Variants in GCN1 observed in about 807,000 individuals in gnomAD.
GCN1 encodes the protein GCN1 activator of EIF2AK4, also known as stalled ribosome sensor GCN1.
In GCN1, 90 loss-of-function variants were observed where a neutral mutation model predicts 288.4. That is an observed-to-expected ratio of 0.31 (90% CI 0.26 to 0.37). GCN1 has a LOEUF of 0.37. GCN1 is among the 10% of genes least tolerant of loss of function. GCN1 has a pLI of 1.00. For missense variants in GCN1, 2,586 were observed against 3,419.9 expected (o/e 0.76, Z 6.08); for synonymous variants, 1,386 against 1,420.2 (o/e 0.98, Z 0.54).
chr12:120,182,826 G>A (rs779346657), intron 5 of GCN1, among the ~76,000 whole-genome samples: 4 of 151,420 alleles, frequency 2.6e-5, no homozygotes, highest in Non-Finnish European at 4.4e-5. Flanking sequence ...TGTAATCCCA[G>A]CCACTCGGGA....
intron 54 of GCN1, among the ~76,000 whole-genome samples, chr12:120,131,632 G>C (rs1876827731): frequency 6.6e-6 from 1 of 152,248 alleles, no homozygotes; most frequent in Non-Finnish European, 1.5e-5. Flanking sequence ...GTTTGTTTTA[G>C]AGACAGGGCC....
At position 120,136,479 on chromosome 12, in the gene GCN1, G is replaced by A; in HGVS notation, c.7008+23C>T. 3 of 1,570,738 alleles carry A rather than the reference G, an allele frequency of 1.9e-6. No homozygotes were observed. In the South Asian group the frequency reaches 3.3e-5, roughly 17 times the overall value. ...CAGACAGACCTGTTCTCTAAGATCT[G>A]AACAAACTCATCAGCCACTCACCTT... On this transcript the variant is annotated intron_variant, in intron 51 of 57. Transcript: ENST00000300648.
In GCN1 at chr12:120,151,278, T is replaced by C; in HGVS notation, c.4176A>G (p.Ala1392=). ...GGCCATAGGCGGCCCCTTTGCGCTC[T>C]GCGTACTTGTCTGACTCCAGCAGCT... ...MQQLLESDKY[A]ERKGAAYGLA... Residue 1392 remains alanine, a synonymous_variant, in exon 34 of 58, where the codon GCA becomes GCG. Coordinates refer to ENST00000300648, the MANE Select transcript of GCN1 (RefSeq NM_006836.2). The C allele has an allele frequency of 6.2e-7, 1 of 1,614,210 alleles. No homozygotes were observed. The highest frequency in any genetic ancestry group is 8.5e-7 in the Non-Finnish European group (1 of 1,180,028).
intron 18 of GCN1, among the ~76,000 whole-genome samples, chr12:120,164,079 G>GCAAAA (rs201208111): frequency 4.7e-4 from 71 of 152,102 alleles, no homozygotes; most frequent in East Asian, 7.7e-4. Flanking sequence ...GTTGCAGTGA[G>GCAAAA]CAAAACAAAA....
chr12:120,181,286 GAAAACC>G (rs1878649408), intron 5 of GCN1, among the ~76,000 whole-genome samples: 1 of 150,836 alleles, frequency 6.6e-6, no homozygotes, highest in African/African-American at 2.4e-5. Flanking sequence ...GGCAACAAAA[GAAAACC>G]CCATCTCTAA....
chr12:120,168,381 G>A, intron 15 of GCN1, 81 bp from the exon 16 acceptor site: 1 of 877,670 alleles, frequency 1.1e-6, no homozygotes, highest in East Asian at 2.4e-5. Flanking sequence ...AAGCTGCTGG[G>A]GTGGGCTTTG....
rs1877053698 is a variant in GCN1, at chr12:120,137,656, A to C, written c.6552T>G (p.Ala2184=). 2 of 1,614,040 alleles carry C rather than the reference A, an allele frequency of 1.2e-6. No homozygotes were observed. Among genetic ancestry groups the C allele is most frequent in the Admixed American group, 1.7e-5 (1 of 60,004 alleles). The change falls in exon 49 of 58, where the codon GCT becomes GCG. Residue 2184 remains alanine (A), a synonymous_variant. Transcript: ENST00000300648. This position sits in a 1 kb window ranked among gnomAD's most constrained non-coding sequence, Gnocchi z 5.2. ...GGCTCCGCAGGTGGCTGGTGTAGTC[A>C]GCCTTTGAGCGGGAACAGTAGATGT... ...ILNIYCSRSK[A]DYTSHLRSLV... is the part of the protein sequence containing the mutation.
At position 120,156,413 on chromosome 12, in the gene GCN1, C is replaced by T; in HGVS notation, c.3312+48G>A. The T allele has an allele frequency of 6.3e-7, 1 of 1,587,832 alleles. No homozygotes were observed. Among genetic ancestry groups the T allele is most frequent in the South Asian group, 1.1e-5 (1 of 90,242 alleles). On this transcript the variant is annotated intron_variant, in intron 28 of 57. Transcript: ENST00000300648. This position sits in a 1 kb window ranked among gnomAD's most constrained non-coding sequence, Gnocchi z 5.8. ...ATGCCCATCATGCAATTTGCACTTG[C>T]ATAGAGTGACAAGGGACACTGCAGT...
intron 6 of GCN1, 24 bp from the exon 7 acceptor site, chr12:120,178,783 G>A: frequency 6.2e-7 from 1 of 1,614,180 alleles, no homozygotes. Flanking sequence ...TGCCAGGCAG[G>A]TGTTTAAGAT....
intron 15 of GCN1, 117 bp from the exon 16 acceptor site, chr12:120,168,417 A>G (rs1878203321): frequency 1.4e-5 from 10 of 714,310 alleles, no homozygotes; most frequent in Middle Eastern, 4.8e-4. Context: ...CTGCAGCAGG[A>G]GGCTCAGTGC....
Position 120,134,552 on chromosome 12 carries a change from T to C in GCN1, c.7183A>G (p.Met2395Val), listed in dbSNP as rs750028002. The change falls in exon 52 of 58, where the codon ATG (methionine) becomes GTG (valine). Residue 2395 changes from methionine (M) to valine (V), a missense_variant. Met to Val is a conservative substitution (Grantham distance 21). Around this residue, in one of 8 missense-constraint regions of GCN1, gnomAD observed 355 missense variants for 431.1 expected, o/e 0.82. Transcript: ENST00000300648. The surrounding 1 kb of genome is among the most constrained non-coding windows in gnomAD (Gnocchi z 5.0). The stretch of plus-strand genomic sequence containing the variant: ...CCGTACCTGACACCTGGGTCCTCCA[T>C]GGCGCGGATGCCATTGAGCAGCTCT... ...FTELLNGIRAMEDPGVRDTML... is the reference protein window; with the variant it reads ...FTELLNGIRAVEDPGVRDTML... 4.3e-6 allele frequency: 7 copies of C among 1,613,836 alleles called. No individual in the cohort carries two copies. The highest frequency in any genetic ancestry group is 2.2e-5 in the South Asian group (2 of 91,086).
intron 1 of GCN1, among the ~76,000 whole-genome samples, chr12:120,191,062 G>C (rs1025864945): frequency 1.3e-5 from 2 of 152,128 alleles, no homozygotes; most frequent in Non-Finnish European, 2.9e-5. Flanking sequence ...GACTGTTATG[G>C]AGCTTAAATG....
intron 51 of GCN1, among the ~76,000 whole-genome samples, chr12:120,135,438 A>G (rs1358825854): frequency 6.6e-6 from 1 of 151,646 alleles, no homozygotes; most frequent in East Asian, 1.9e-4. Context: ...ATCTCAGCTC[A>G]CTGCAACCTC....
At chr12:120,128,837 C>CTTTTTTT (rs35329199) in intron 57 of GCN1, among the ~76,000 whole-genome samples, 6 of 98,412 alleles carry the variant, frequency 6.1e-5, no homozygotes, top group Admixed American at 1.1e-4. Context: ...TCACCCAAAT[C>CTTTTTTT]TTTTTTTTTT....
intron 7 of GCN1, 57 bp downstream of exon 7, chr12:120,178,568 C>A: frequency 6.3e-7 from 1 of 1,587,622 alleles, no homozygotes. Context: ...TTCCCTCCAG[C>A]GAGCTCCCAA....
chr12:120,162,221 T>C (rs1214130673), intron 20 of GCN1, 163 bp from the exon 21 acceptor site: 1 of 616,822 alleles, frequency 1.6e-6, no homozygotes, highest in Non-Finnish European at 2.9e-6. Context: ...CTGCGTCTGC[T>C]TTCCTCACCA....
At chr12:120,159,800 C>A in intron 24 of GCN1, 25 bp downstream of exon 24, 1 of 1,609,598 alleles carries the variant, frequency 6.2e-7, no homozygotes, top group South Asian at 1.1e-5. Flanking sequence ...TGGGCCATCC[C>A]TGCAGCCAGC....
intron 16 of GCN1, among the ~76,000 whole-genome samples, chr12:120,165,028 C>CACAT (rs1566311405): frequency 4.2e-5 from 6 of 143,884 alleles, no homozygotes; most frequent in Non-Finnish European, 9.1e-5. Flanking sequence ...CACACACACA[C>CACAT]ACACACACAT....
Position 120,170,179 on chromosome 12 carries a change from G to C in GCN1, c.1509C>G (p.Asp503Glu), listed in dbSNP as rs750845291. 3.2e-5 allele frequency: 51 copies of C among 1,613,996 alleles called. No individual in the cohort carries two copies. Among genetic ancestry groups the C allele is most frequent in the Non-Finnish European group, 4.2e-5 (50 of 1,179,948 alleles). ...CCTCTGGACTCATACCAGCCTGTGAGTCAGCCACTGACAACTTTAAGAGCA... is the reference window on the plus strand; with the variant it reads ...CCTCTGGACTCATACCAGCCTGTGACTCAGCCACTGACAACTTTAAGAGCA... ...ALLLLKLSVA[D>E]SQAEAKLSSF... Residue 503 changes from aspartate to glutamate, a missense_variant, in exon 15 of 58, where the codon GAC becomes GAG. Asp to Glu is a conservative substitution (Grantham distance 45). This residue lies in a region of GCN1 where 913 missense variants were observed against 1,107.0 expected (regional missense o/e 0.82). Coordinates refer to ENST00000300648, the MANE Select transcript of GCN1 (RefSeq NM_006836.2).
Sources: allele counts gnomAD v4.1 joint callset (sites outside exome capture counted in the v4.1 genomes callset), GRCh38; gene constraint gnomAD v4.1.1; regional missense constraint gnomAD v4.1.1; non-coding constraint Gnocchi (gnomAD v3.1); transcripts MANE v1.5; gene names NCBI Gene and HGNC (gene_info 2026-07-23, HGNC 2026-07-21).